The following EXOC6B variants were observed in gnomAD, a reference collection of about 807,000 sequenced individuals.
EXOC6B encodes the protein SEC15 homolog B.
A neutral mutation model predicts 113.5 loss-of-function variants in EXOC6B; 54 were observed. That is an observed-to-expected ratio of 0.48 (90% CI 0.38 to 0.60). The LOEUF is 0.60. Ranked by LOEUF, EXOC6B falls within the 20% of genes least tolerant of loss-of-function variation. The pLI, the probability that EXOC6B is intolerant of heterozygous loss-of-function variation, is 0.00. For synonymous variants in EXOC6B, 357 were observed against 339.0 expected (o/e 1.05, Z -0.58); for missense variants, 797 against 977.5 (o/e 0.82, Z 2.46).
At chr2:72,189,732 C>A (rs913531422) in intron 20 of EXOC6B, among the ~76,000 whole-genome samples, 11 of 148,080 alleles carry the variant, frequency 7.4e-5, no homozygotes, top group Non-Finnish European at 1.2e-4. Context: ...CCCCTCCCCT[C>A]CCCTCCCCTT....
intron 6 of EXOC6B, among the ~76,000 whole-genome samples, chr2:72,588,086 T>C (rs897194347): frequency 2.6e-5 from 4 of 152,108 alleles, no homozygotes; most frequent in Admixed American, 1.3e-4. Context: ...TTGGTGGAAA[T>C]GTATAATATT....
intron 6 of EXOC6B, among the ~76,000 whole-genome samples, chr2:72,644,128 G>C (rs963101714): frequency 3.3e-5 from 5 of 152,138 alleles, no homozygotes; most frequent in Admixed American, 3.3e-4. Context: ...GAAAACCATG[G>C]CACGAGAACT....
At chr2:72,449,338 T>A (rs1332502785) in intron 18 of EXOC6B, among the ~76,000 whole-genome samples, 1 of 151,950 alleles carries the variant, frequency 6.6e-6, no homozygotes, top group African/African-American at 2.4e-5. Flanking sequence ...GCCCAGCTAA[T>A]TTTTTTGTAT....
chr2:72,230,938 A>C lies in EXOC6B; in HGVS notation c.2197-46751T>G, dbSNP rs886749263. 1.2e-4 allele frequency among the ~76,000 whole-genome samples: 19 copies of C among 152,376 alleles called. No individual in the cohort carries two copies. The South Asian group carries it at 1.7e-3, about 13-fold the overall frequency. On this transcript the variant is annotated intron_variant, in intron 20 of 21. Coordinates refer to ENST00000272427, the MANE Select transcript of EXOC6B (RefSeq NM_015189.3). ...TTCCAGGTATGTGTTGGAGAACAGT[A>C]GTTTTAAAAACGTCAAAAGAAACAG...
intron 20 of EXOC6B, among the ~76,000 whole-genome samples, chr2:72,286,494 C>T (rs1278562305): frequency 6.6e-6 from 1 of 151,936 alleles, no homozygotes. Context: ...GGGGTTGGGG[C>T]AAGAAGGGAA....
intron 8 of EXOC6B, among the ~76,000 whole-genome samples, chr2:72,555,578 C>T (rs189111543): frequency 5.3e-5 from 8 of 152,194 alleles, no homozygotes; most frequent in Non-Finnish European, 8.8e-5. Context: ...CTGTTCATAT[C>T]CTTTGCCCAC....
intron 1 of EXOC6B, among the ~76,000 whole-genome samples, chr2:72,785,472 G>C (rs1684321412): frequency 6.6e-6 from 1 of 152,190 alleles, no homozygotes; most frequent in Non-Finnish European, 1.5e-5. Context: ...CTTTTGCCTG[G>C]GCATCCAGGC....
intron 18 of EXOC6B, among the ~76,000 whole-genome samples, chr2:72,422,834 A>G (rs535875227): frequency 3.9e-5 from 6 of 152,212 alleles, no homozygotes; most frequent in African/African-American, 1.4e-4. Flanking sequence ...TGATGAGGAC[A>G]TGGAGAACCT....
intron 6 of EXOC6B, among the ~76,000 whole-genome samples, chr2:72,663,415 TAAAA>T (rs948470811): frequency 3.9e-5 from 6 of 152,112 alleles, no homozygotes; most frequent in African/African-American, 1.4e-4. Context: ...TAGAAATCGA[TAAAA>T]AATATATAAA....
intron 1 of EXOC6B, among the ~76,000 whole-genome samples, chr2:72,814,510 C>T (rs1282949138): frequency 6.6e-6 from 1 of 152,148 alleles, no homozygotes; most frequent in East Asian, 1.9e-4. Context: ...TATGTATTAT[C>T]ATAAATCAAA....
intron 2 of EXOC6B, among the ~76,000 whole-genome samples, chr2:72,739,132 C>T (rs562201954): frequency 3.9e-5 from 6 of 152,108 alleles, no homozygotes; most frequent in Non-Finnish European, 8.8e-5. Context: ...AATAGATGCA[C>T]CACAATTTCT....
intron 20 of EXOC6B, among the ~76,000 whole-genome samples, chr2:72,211,624 T>C (rs1247478775): frequency 6.6e-6 from 1 of 152,228 alleles, no homozygotes; most frequent in African/African-American, 2.4e-5. Context: ...TGAATCACCA[T>C]GCATAATGAG....
intron 18 of EXOC6B, among the ~76,000 whole-genome samples, chr2:72,449,408 T>G (rs1408395108): frequency 4.0e-5 from 6 of 151,660 alleles, no homozygotes; most frequent in Non-Finnish European, 5.9e-5. Context: ...CCAGACCTCG[T>G]GATACACCCG....
At chr2:72,757,117 T>A (rs1323666456) in intron 1 of EXOC6B, among the ~76,000 whole-genome samples, 1 of 152,158 alleles carries the variant, frequency 6.6e-6, no homozygotes, top group Non-Finnish European at 1.5e-5. Context: ...CATTTAAGAA[T>A]CTAGAATAGT....
chr2:72,246,507 AT>A (rs11386307), intron 20 of EXOC6B, among the ~76,000 whole-genome samples: 2,247 of 136,918 alleles, frequency 0.016, 26 homozygotes, highest in East Asian at 0.049. Flanking sequence ...TAACTAATTG[AT>A]TTTTTTTTTT....
At chr2:72,489,530 G>A (rs1487467888) in intron 16 of EXOC6B, among the ~76,000 whole-genome samples, 2 of 152,078 alleles carry the variant, frequency 1.3e-5, no homozygotes, top group Non-Finnish European at 2.9e-5. Context: ...CTATATACCA[G>A]GCACAGTAAG....
At chr2:72,285,693 C>A (rs539091378) in intron 20 of EXOC6B, among the ~76,000 whole-genome samples, 1 of 151,922 alleles carries the variant, frequency 6.6e-6, no homozygotes, top group Non-Finnish European at 1.5e-5. Context: ...CAAAAGAATA[C>A]AAAGATAAGC....
At chr2:72,201,535 A>G (rs1679491494) in intron 20 of EXOC6B, among the ~76,000 whole-genome samples, 1 of 152,210 alleles carries the variant, frequency 6.6e-6, no homozygotes, top group African/African-American at 2.4e-5. Context: ...TTCAGGAAGG[A>G]CTCTTAATGA....
At chr2:72,541,433 TTCTC>T (rs1702596019) in intron 8 of EXOC6B, among the ~76,000 whole-genome samples, 1 of 152,212 alleles carries the variant, frequency 6.6e-6, no homozygotes, top group Admixed American at 6.5e-5. Flanking sequence ...CCTTCCTTCT[TTCTC>T]TTTCTGGCCC....
Sources: allele counts gnomAD v4.1 joint callset (sites outside exome capture counted in the v4.1 genomes callset), GRCh38; gene constraint gnomAD v4.1.1; transcripts MANE v1.5; gene names NCBI Gene and HGNC (gene_info 2026-07-23, HGNC 2026-07-21).